RGS7BP: variants seen among roughly 807,000 people sequenced by gnomAD.
RGS7BP encodes the protein regulator of G protein signaling 7-binding protein.
RGS7BP carries 9 observed loss-of-function variants against 31.3 expected under a neutral mutation model. The observed-to-expected ratio is 0.29, with a 90% CI of 0.17 to 0.50. The LOEUF (loss-of-function observed/expected upper bound fraction) is 0.50. Among genes scored for constraint, RGS7BP ranks in the 20% least tolerant of loss-of-function variants. The pLI is 0.98. For synonymous variants in RGS7BP, 115 were observed against 120.1 expected (o/e 0.96, Z 0.28); for missense variants, 274 against 322.0 (o/e 0.85, Z 1.14).
chr5:64,517,016 G>GAA (rs58172150), intron 2 of RGS7BP, among the ~76,000 whole-genome samples: 842 of 77,004 alleles, frequency 0.011, 10 homozygotes, highest in African/African-American at 0.033. Context: ...TTCTCGCCCA[G>GAA]AAAAAAAAAA....
Position 64,520,521 on chromosome 5 carries a change from C to T in RGS7BP, c.332+12644C>T, listed in dbSNP as rs116114173. ...GGCCCCAGCACTTTTCTCTGGACCC[C>T]GAATTTTTCAGTCTTTCTTTCCCTA... On this transcript the variant is annotated intron_variant, in intron 2 of 5. Transcript: ENST00000334025. 3.7e-3 allele frequency among the ~76,000 whole-genome samples: 567 copies of T among 152,270 alleles called. 5 individuals are homozygous for T. Among genetic ancestry groups the T allele is most frequent in the African/African-American group, 0.013 (535 of 41,558 alleles).
intron 2 of RGS7BP, among the ~76,000 whole-genome samples, chr5:64,572,355 G>A (rs554803135): frequency 6.6e-6 from 1 of 152,034 alleles, no homozygotes; most frequent in Non-Finnish European, 1.5e-5. Context: ...TATAACATCA[G>A]ACATATTATA....
chr5:64,509,910 A>T (rs1561317266), intron 2 of RGS7BP, among the ~76,000 whole-genome samples: 1 of 151,826 alleles, frequency 6.6e-6, no homozygotes, highest in Non-Finnish European at 1.5e-5. Context: ...CATTCGTTAT[A>T]AAAAATGACA....
intron 2 of RGS7BP, among the ~76,000 whole-genome samples, chr5:64,531,851 T>C (rs1195859910): frequency 1.3e-5 from 2 of 152,252 alleles, no homozygotes; most frequent in Non-Finnish European, 2.9e-5. Context: ...AGAGAACTCC[T>C]TTATTAATAA....
intron 2 of RGS7BP, among the ~76,000 whole-genome samples, chr5:64,535,243 T>G (rs1749477121): frequency 6.6e-6 from 1 of 152,194 alleles, no homozygotes; most frequent in African/African-American, 2.4e-5. Context: ...CATGGAAACA[T>G]GTACTTATTC....
intron 2 of RGS7BP, 129 bp downstream of exon 2, chr5:64,508,006 C>A: frequency 1.3e-6 from 1 of 760,136 alleles, no homozygotes. Flanking sequence ...TCGAAATTCT[C>A]TAGAGAGCTA....
At chr5:64,534,333 G>T (rs555027226) in intron 2 of RGS7BP, among the ~76,000 whole-genome samples, 1 of 152,292 alleles carries the variant, frequency 6.6e-6, no homozygotes, top group Admixed American at 6.5e-5. Context: ...GCCTCGCTAG[G>T]TCACAAGAAA....
intron 2 of RGS7BP, among the ~76,000 whole-genome samples, chr5:64,524,028 T>C (rs1278019462): frequency 6.6e-6 from 1 of 152,186 alleles, no homozygotes; most frequent in Non-Finnish European, 1.5e-5. Context: ...TTTACCTAAG[T>C]GAGACCCTAA....
chr5:64,542,335 G>T (rs1399892085), intron 2 of RGS7BP, among the ~76,000 whole-genome samples: 1 of 152,196 alleles, frequency 6.6e-6, no homozygotes, highest in Non-Finnish European at 1.5e-5. Flanking sequence ...TAACAGCTGA[G>T]TTCTGAACAA....
chr5:64,551,172 T>G (rs945409327), intron 2 of RGS7BP, among the ~76,000 whole-genome samples: 9 of 151,704 alleles, frequency 5.9e-5, no homozygotes, highest in Non-Finnish European at 8.8e-5. Context: ...TTCCCCCTTC[T>G]GCCAACACAG....
At chr5:64,597,564 T>C (rs891313058) in intron 4 of RGS7BP, among the ~76,000 whole-genome samples, 4 of 151,684 alleles carry the variant, frequency 2.6e-5, no homozygotes, top group African/African-American at 9.7e-5. Context: ...ACCTGAGTTA[T>C]GCTGAATTCC....
In RGS7BP at chr5:64,612,015, G is replaced by A. The variant is rs1743517957; in HGVS notation, c.*2763G>A. On this transcript the variant is annotated 3_prime_UTR_variant, in exon 6 of 6. Coordinates refer to ENST00000334025, the MANE Select transcript of RGS7BP (RefSeq NM_001029875.3). ...CGCATGTACCCACAGGCTTGAAACA[G>A]AAAATGATGTAAACTTTTGTGGCAT... 2 of 152,222 alleles carry A rather than the reference G, an allele frequency of 1.3e-5. No individual in the cohort carries two copies. The highest frequency in any genetic ancestry group is 2.9e-5 in the Non-Finnish European group (2 of 67,902). 9.4% of individuals were successfully genotyped at this position (152,222 alleles called of 1,614,324 possible).
At chr5:64,514,548 G>A (rs2111882581) in intron 2 of RGS7BP, among the ~76,000 whole-genome samples, 1 of 152,266 alleles carries the variant, frequency 6.6e-6, no homozygotes, top group African/African-American at 2.4e-5. Flanking sequence ...TGTGACCATG[G>A]AATAGAATGT....
intron 3 of RGS7BP, among the ~76,000 whole-genome samples, chr5:64,580,160 A>T (rs112484464): frequency 6.6e-4 from 100 of 152,302 alleles, no homozygotes; most frequent in African/African-American, 2.1e-3. Flanking sequence ...AGAGTATTAA[A>T]CTATAACAGA....
intron 2 of RGS7BP, among the ~76,000 whole-genome samples, chr5:64,543,540 T>C (rs1023427947): frequency 4.5e-5 from 6 of 133,098 alleles, no homozygotes; most frequent in Admixed American, 7.4e-5. Context: ...GAGAAAAAAG[T>C]TTAAAAAAAA....
intron 4 of RGS7BP, among the ~76,000 whole-genome samples, chr5:64,595,476 GT>G (rs1743039509): frequency 6.6e-6 from 1 of 151,990 alleles, no homozygotes; most frequent in Non-Finnish European, 1.5e-5. Context: ...TAGAGAGGCA[GT>G]TTCTTTCTTG....
intron 2 of RGS7BP, among the ~76,000 whole-genome samples, chr5:64,554,784 C>T (rs1741882234): frequency 6.6e-6 from 1 of 151,692 alleles, no homozygotes; most frequent in African/African-American, 2.4e-5. Context: ...ATAAATATGT[C>T]AAATTATTAA....
chr5:64,536,281 T>C (rs1182015780), intron 2 of RGS7BP, among the ~76,000 whole-genome samples: 2 of 152,106 alleles, frequency 1.3e-5, no homozygotes, highest in Admixed American at 1.3e-4. Flanking sequence ...CAAGAGCTTG[T>C]GAGTACAGTG....
At chr5:64,532,210 T>C (rs1009928096) in intron 2 of RGS7BP, among the ~76,000 whole-genome samples, 9 of 152,182 alleles carry the variant, frequency 5.9e-5, no homozygotes, top group African/African-American at 2.2e-4. Context: ...GAGCCGTATA[T>C]GGGAAGAGCT....
Sources: gnomAD v4.1 joint callset for allele counts (sites outside exome capture counted in the v4.1 genomes callset) on GRCh38, gnomAD v4.1.1 for gene constraint, MANE v1.5 for transcripts, NCBI Gene and HGNC (gene_info 2026-07-23, HGNC 2026-07-21) for gene names.